Variants in THSD7B observed in about 807,000 individuals in gnomAD.
THSD7B encodes the protein thrombospondin type-1 domain-containing protein 7B.
A neutral mutation model predicts 213.6 loss-of-function variants in THSD7B; 138 were observed. The observed-to-expected ratio is 0.65, with a 90% CI of 0.56 to 0.74. The LOEUF (loss-of-function observed/expected upper bound fraction) is 0.74. Among genes scored for constraint, THSD7B ranks in the 30% least tolerant of loss-of-function variants. THSD7B has a pLI of 0.00. For synonymous variants in THSD7B, 742 were observed against 687.0 expected, an observed-to-expected ratio of 1.08 and a Z score of -1.25; for missense variants, 1,931 against 1,991.5, an observed-to-expected ratio of 0.97 and a Z score of 0.58.
At chr2:136,814,555 C>G (rs376032400) in intron 1 of THSD7B, among the ~76,000 whole-genome samples, 1 of 152,006 alleles carries the variant, frequency 6.6e-6, no homozygotes, top group Non-Finnish European at 1.5e-5. Flanking sequence ...CCTGCCACCA[C>G]GCCTGGCTAA....
chr2:137,385,183 A>G (rs1685866225), intron 12 of THSD7B, among the ~76,000 whole-genome samples: 1 of 152,208 alleles, frequency 6.6e-6, no homozygotes, highest in Non-Finnish European at 1.5e-5. Flanking sequence ...CCTGAAAAGG[A>G]ATATTTTAAA....
At chr2:137,053,576 TA>T (rs34910460) in intron 2 of THSD7B, among the ~76,000 whole-genome samples, 33,802 of 144,712 alleles carry the variant, frequency 0.23, 4,162 homozygotes, top group African/African-American at 0.35. Context: ...GAATTTATAA[TA>T]AAAAAAAAAA....
Position 137,461,412 on chromosome 2 carries a change from C to T in THSD7B, c.3138+10389C>T, listed in dbSNP as rs561499360. ...AAATAAAAGCCATGGGTGCAATAAA[C>T]GTTTATCTCAACACTTCTCATCACA... is the stretch of plus-strand genomic sequence containing the variant. On this transcript the variant is annotated intron_variant, in intron 15 of 27. Coordinates refer to ENST00000409968, the MANE Select transcript of THSD7B (RefSeq NM_001316349.2). 7.1e-4 allele frequency among the ~76,000 whole-genome samples: 108 copies of T among 152,128 alleles called. 1 individual carries two copies. The highest frequency in any genetic ancestry group is 2.4e-3 in the African/African-American group (99 of 41,502).
At chr2:136,856,017 A>G (rs1290541786) in intron 1 of THSD7B, among the ~76,000 whole-genome samples, 3 of 152,062 alleles carry the variant, frequency 2.0e-5, no homozygotes, top group Admixed American at 6.6e-5. Context: ...ACCTACGTTC[A>G]TACTCCCATA....
At chr2:137,475,509 G>C (rs1468287048) in intron 15 of THSD7B, among the ~76,000 whole-genome samples, 1 of 151,988 alleles carries the variant, frequency 6.6e-6, no homozygotes, top group Non-Finnish European at 1.5e-5. Flanking sequence ...TCAGCCTCTG[G>C]TAATGACCAA....
rs1353756812 is a variant in THSD7B, at chr2:137,412,892, TC to T, written c.2959+1021del. Among the ~76,000 whole-genome samples, 173 of 142,374 alleles carry T rather than the reference TC, an allele frequency of 1.2e-3. 1 individual carries two copies. The highest frequency in any genetic ancestry group is 4.7e-3 in the African/African-American group (164 of 34,676). 93.4% of individuals were successfully genotyped at this position (142,374 alleles called of 152,430 possible). A position where few individuals can be genotyped will look rare whatever the true frequency, so the allele number is the denominator to read the frequency against. On this transcript the variant is annotated intron_variant, in intron 14 of 27. Coordinates refer to ENST00000409968, the MANE Select transcript of THSD7B (RefSeq NM_001316349.2). Reference sequence around the variant, plus strand: ...ATTTCCTGCTCTGTTTTTCTTTCTTTCTTTTTTTTTTTTTACTAGTTTTTTA... The same window carrying T: ...ATTTCCTGCTCTGTTTTTCTTTCTTTTTTTTTTTTTTTTACTAGTTTTTTA...
Position 137,676,864 on chromosome 2 carries a change from C to CTGTT in THSD7B, c.*262_*265dup, listed in dbSNP as rs1298863532. The CTGTT allele has an allele frequency of 6.6e-6, 2 of 303,224 alleles. No individual in the cohort carries two copies. Among genetic ancestry groups the CTGTT allele is most frequent in the African/African-American group, 4.4e-5 (2 of 45,784 alleles). The allele number at this position is 303,224 out of a possible 1,614,324, so 18.8% of individuals were successfully genotyped here. A position where few individuals can be genotyped will look rare whatever the true frequency, so the allele number is the denominator to read the frequency against. ...AAGGGACCTGAAAACCCTTCTCTTC[C>CTGTT]TGTTTGGAACTGGGAGGAAGAAAAC... is the stretch of plus-strand genomic sequence containing the variant. On this transcript the variant is annotated 3_prime_UTR_variant, in exon 28 of 28. Coordinates refer to ENST00000409968, the MANE Select transcript of THSD7B (RefSeq NM_001316349.2).
In THSD7B at chr2:137,114,158, A is replaced by G. The variant is rs140579281; in HGVS notation, c.1200-966A>G. 5.4e-3 allele frequency among the ~76,000 whole-genome samples: 822 copies of G among 152,338 alleles called. 9 individuals carry two copies. Among genetic ancestry groups the G allele is most frequent in the African/African-American group, 0.019 (781 of 41,578 alleles). ...TTTTTCCTCTTTTTTCTTTTAAACAATCACAAAACTGATAAATTTTTCTTT... is the reference window on the plus strand; with the variant it reads ...TTTTTCCTCTTTTTTCTTTTAAACAGTCACAAAACTGATAAATTTTTCTTT... On this transcript the variant is annotated intron_variant, in intron 4 of 27. Transcript: ENST00000409968.
chr2:136,890,016 A>G (rs1017355193), intron 2 of THSD7B, among the ~76,000 whole-genome samples: 8 of 152,158 alleles, frequency 5.3e-5, no homozygotes, highest in African/African-American at 1.9e-4. Flanking sequence ...TGGGTGTGAC[A>G]TTCAAGGTTA....
At chr2:137,423,747 TTAATC>T (rs1476320497) in intron 14 of THSD7B, among the ~76,000 whole-genome samples, 2 of 152,086 alleles carry the variant, frequency 1.3e-5, no homozygotes, top group African/African-American at 4.8e-5. Context: ...GGTCCTCAAA[TTAATC>T]TATTTAGTTC....
intron 15 of THSD7B, among the ~76,000 whole-genome samples, chr2:137,549,304 G>A (rs1680797343): frequency 1.2e-5 from 1 of 85,894 alleles, no homozygotes; most frequent in African/African-American, 5.2e-5. Flanking sequence ...TTTTTTTTCA[G>A]ATGCTCTTTT....
chr2:137,450,861 A>T lies in THSD7B; in HGVS notation c.2976A>T (p.Lys992Asn), dbSNP rs772626509. Residue 992 changes from lysine to asparagine, a missense_variant, in exon 15 of 28, where the codon AAA becomes AAT. By Grantham distance (94) the Lys-to-Asn change is moderately conservative. Coordinates refer to ENST00000409968, the MANE Select transcript of THSD7B (RefSeq NM_001316349.2). Reference protein sequence around the residue: ...FCSSSGYIQEKCVIPCPFDCK... With the variant: ...FCSSSGYIQENCVIPCPFDCK... ...TTCTGTCAGGTTACATTCAAGAAAA[A>T]TGTGTCATTCCCTGCCCATTTGATT... 2 of 1,605,516 alleles carry T rather than the reference A, an allele frequency of 1.2e-6. No individual in the cohort carries two copies. The highest frequency in any genetic ancestry group is 1.7e-6 in the Non-Finnish European group (2 of 1,176,726).
chr2:137,101,840 AT>A (rs1688157117), intron 4 of THSD7B, among the ~76,000 whole-genome samples: 1 of 152,120 alleles, frequency 6.6e-6, no homozygotes. Context: ...GCCTGTCTAG[AT>A]TTCTCCTCTT....
intron 1 of THSD7B, among the ~76,000 whole-genome samples, chr2:136,817,674 G>A (rs1297980077): frequency 6.6e-6 from 1 of 151,936 alleles, no homozygotes; most frequent in Non-Finnish European, 1.5e-5. Flanking sequence ...GATAGTTGTA[G>A]ATATGCGGCT....
chr2:137,655,541 C>T lies in THSD7B; in HGVS notation c.3986C>T (p.Ser1329Phe). 1 of 1,612,402 alleles carries T rather than the reference C, an allele frequency of 6.2e-7. No individual in the cohort carries two copies. Among genetic ancestry groups the T allele is most frequent in the South Asian group, 1.1e-5 (1 of 90,582 alleles). Residue 1329 changes from serine to phenylalanine, a missense_variant, in exon 22 of 28, where the codon TCC becomes TTC. Ser to Phe is a radical substitution (Grantham distance 155). Transcript: ENST00000409968. The part of the protein sequence containing the change: ...CGEGVQIRSL[S>F]CMVHSGSISH... ...GAAGGAGTTCAGATCCGCAGCCTTT[C>T]CTGCATGGTCCACAGTGGTTCAATA...
chr2:137,063,563 C>T (rs964310038), intron 3 of THSD7B, among the ~76,000 whole-genome samples: 1 of 152,046 alleles, frequency 6.6e-6, no homozygotes, highest in African/African-American at 2.4e-5. Context: ...TTAAAATGCA[C>T]AATTAAATTA....
chr2:137,057,239 C>G lies in THSD7B; in HGVS notation c.950+9C>G. 1.9e-6 allele frequency: 3 copies of G among 1,575,268 alleles called. No individual in the cohort carries two copies. The highest frequency in any genetic ancestry group is 1.2e-5 in the South Asian group (1 of 85,676). On this transcript the variant is annotated intron_variant, in intron 3 of 27. Coordinates refer to ENST00000409968, the MANE Select transcript of THSD7B (RefSeq NM_001316349.2). Reference sequence around the variant, plus strand: ...CAAAATGCTATGTTAAGGTAGGAGACCTTTGATGCTTGAATTTGATTCACC... The same window carrying G: ...CAAAATGCTATGTTAAGGTAGGAGAGCTTTGATGCTTGAATTTGATTCACC...
intron 12 of THSD7B, among the ~76,000 whole-genome samples, chr2:137,319,043 G>A (rs1178496891): frequency 6.6e-6 from 1 of 151,448 alleles, no homozygotes; most frequent in East Asian, 1.9e-4. Context: ...TTGTAATGGA[G>A]GTCATTTACT....
intron 2 of THSD7B, among the ~76,000 whole-genome samples, chr2:137,018,633 C>T (rs985310411): frequency 2.6e-5 from 4 of 152,100 alleles, no homozygotes; most frequent in African/African-American, 7.2e-5. Context: ...CAGTACAAGA[C>T]ATCTGAGGAA....
Sources: gnomAD v4.1 joint callset for allele counts (sites outside exome capture counted in the v4.1 genomes callset) on GRCh38, gnomAD v4.1.1 for gene constraint, MANE v1.5 for transcripts, NCBI Gene and HGNC (gene_info 2026-07-23, HGNC 2026-07-21) for gene names.